Variants in AFF3 observed in about 807,000 individuals in gnomAD.
The protein encoded by AFF3 is AF4/FMR2 family member 3.
AFF3 carries 32 observed loss-of-function variants against 129.7 expected under a neutral mutation model. That is an observed-to-expected ratio of 0.25 (90% CI 0.19 to 0.33). The LOEUF (loss-of-function observed/expected upper bound fraction) is 0.33. Ranked by LOEUF, AFF3 falls within the 10% of genes least tolerant of loss-of-function variation. The pLI, the probability that AFF3 is intolerant of heterozygous loss-of-function variation, is 1.00. For missense variants in AFF3, 1,373 were observed against 1,592.0 expected, an observed-to-expected ratio of 0.86 and a Z score of 2.34; for synonymous variants, 644 against 635.4, an observed-to-expected ratio of 1.01 and a Z score of -0.20.
intron 8 of AFF3, among the ~76,000 whole-genome samples, chr2:99,755,388 C>A (rs530611110): frequency 6.6e-5 from 10 of 152,158 alleles, no homozygotes; most frequent in Admixed American, 2.0e-4. Flanking sequence ...CTGCCTCAGC[C>A]TCCCGAGTAG....
intron 8 of AFF3, among the ~76,000 whole-genome samples, chr2:99,761,553 C>T (rs1682594755): frequency 1.3e-5 from 2 of 152,120 alleles, no homozygotes; most frequent in Non-Finnish European, 2.9e-5. Context: ...CTTGGGCATC[C>T]CCACCTCACG....
intron 7 of AFF3, among the ~76,000 whole-genome samples, chr2:99,925,892 T>C (rs980399102): frequency 6.6e-6 from 1 of 152,230 alleles, no homozygotes; most frequent in African/African-American, 2.4e-5. Flanking sequence ...GTTGCTGTAC[T>C]ATCAGGGAAT....
At chr2:99,913,890 T>G (rs1695274523) in intron 7 of AFF3, among the ~76,000 whole-genome samples, 2 of 152,138 alleles carry the variant, frequency 1.3e-5, no homozygotes, top group African/African-American at 4.8e-5. Context: ...TTCATACTGA[T>G]TAAATATAAA....
At chr2:100,080,313 G>A (rs1688946761) in intron 4 of AFF3, among the ~76,000 whole-genome samples, 1 of 152,148 alleles carries the variant, frequency 6.6e-6, no homozygotes, top group Non-Finnish European at 1.5e-5. Context: ...GTAGTTAGAT[G>A]TTTATTGTAA....
chr2:99,956,200 A>G (rs1676631648), intron 7 of AFF3, among the ~76,000 whole-genome samples: 1 of 152,024 alleles, frequency 6.6e-6, no homozygotes, highest in Non-Finnish European at 1.5e-5. Context: ...AAGCGACAAT[A>G]ATATTACAGG....
intron 11 of AFF3, chr2:99,707,110 G>A: frequency 2.0e-6 from 2 of 985,412 alleles, no homozygotes; most frequent in Non-Finnish European, 2.4e-6. Flanking sequence ...TTACCCCGAT[G>A]AAGGCTGGCT....
chr2:99,733,353 C>T (rs541028557), intron 10 of AFF3, among the ~76,000 whole-genome samples: 1 of 144,816 alleles, frequency 6.9e-6, no homozygotes, highest in Admixed American at 7.1e-5. Flanking sequence ...GCACTCCAGC[C>T]TGGGCGACAG....
At chr2:100,020,607 C>A (rs1438678141) in intron 4 of AFF3, among the ~76,000 whole-genome samples, 4 of 152,152 alleles carry the variant, frequency 2.6e-5, no homozygotes, top group African/African-American at 9.7e-5. Flanking sequence ...GCACTACCCA[C>A]CTAGTTGCCT....
At chr2:99,920,112 T>C (rs961286670) in intron 7 of AFF3, among the ~76,000 whole-genome samples, 2 of 152,032 alleles carry the variant, frequency 1.3e-5, no homozygotes, top group Non-Finnish European at 2.9e-5. Flanking sequence ...ACTAAATGTC[T>C]CCACTGGTAA....
chr2:99,572,576 G>A (rs1332340801), intron 18 of AFF3: 3 of 455,484 alleles, frequency 6.6e-6, no homozygotes, highest in Non-Finnish European at 1.3e-5. Flanking sequence ...CCTCGGCGCG[G>A]CAGAAATTGG....
At chr2:99,790,963 C>T (rs1263575989) in intron 8 of AFF3, among the ~76,000 whole-genome samples, 3 of 152,228 alleles carry the variant, frequency 2.0e-5, no homozygotes, top group Non-Finnish European at 4.4e-5. Flanking sequence ...GAACGCTTCT[C>T]AGCAACAGAA....
At chr2:99,629,184 T>C (rs972295103) in intron 13 of AFF3, among the ~76,000 whole-genome samples, 3 of 152,196 alleles carry the variant, frequency 2.0e-5, no homozygotes, top group Non-Finnish European at 4.4e-5. Context: ...CTGACTGCTC[T>C]GGCCAGAACT....
intron 13 of AFF3, among the ~76,000 whole-genome samples, chr2:99,644,078 C>T (rs1161394437): frequency 1.3e-5 from 2 of 152,090 alleles, no homozygotes. Context: ...ATGCTGGATG[C>T]GTTCAGTAAA....
At chr2:99,823,224 T>G (rs1687819919) in intron 8 of AFF3, among the ~76,000 whole-genome samples, 1 of 152,154 alleles carries the variant, frequency 6.6e-6, no homozygotes, top group African/African-American at 2.4e-5. Flanking sequence ...AAACTAACTT[T>G]AAAGGTACTA....
intron 13 of AFF3, chr2:99,630,731 C>T (rs62154524): frequency 0.035 from 5,824 of 164,704 alleles, 126 homozygotes; most frequent in Non-Finnish European, 0.044. Context: ...GAGAAAGTGC[C>T]ACCCTTTTAA....
chr2:100,101,165 T>C (rs1690694953), intron 4 of AFF3, among the ~76,000 whole-genome samples: 1 of 152,182 alleles, frequency 6.6e-6, no homozygotes, highest in South Asian at 2.1e-4. Context: ...TGTTTCTGAG[T>C]GGCAGGAAGA....
chr2:99,774,825 A>C (rs1179187267), intron 8 of AFF3, among the ~76,000 whole-genome samples: 2 of 152,232 alleles, frequency 1.3e-5, no homozygotes, highest in Non-Finnish European at 2.9e-5. Flanking sequence ...AATGGGAGAA[A>C]ATTTTTGCAA....
intron 7 of AFF3, among the ~76,000 whole-genome samples, chr2:99,923,243 T>C (rs1293025083): frequency 6.6e-6 from 1 of 152,198 alleles, no homozygotes; most frequent in Non-Finnish European, 1.5e-5. Flanking sequence ...CCTGGATCTA[T>C]TCAGACCATA....
chr2:99,835,535 C>T (rs767997185), intron 8 of AFF3, among the ~76,000 whole-genome samples: 36 of 147,704 alleles, frequency 2.4e-4, no homozygotes, highest in South Asian at 2.3e-4. Flanking sequence ...AACACTAATG[C>T]GATCCCCTAG....
Sources: allele counts gnomAD v4.1 joint callset (sites outside exome capture counted in the v4.1 genomes callset), GRCh38; gene constraint gnomAD v4.1.1; transcripts MANE v1.5; gene names NCBI Gene and HGNC (gene_info 2026-07-23, HGNC 2026-07-21).